TGFBR3: variants seen among roughly 807,000 people sequenced by gnomAD.
TGFBR3 encodes the protein transforming growth factor beta receptor 3, also known as transforming growth factor beta receptor type 3.
In TGFBR3, 46 loss-of-function variants were observed where a neutral mutation model predicts 87.9. That is an observed-to-expected ratio of 0.52 (90% CI 0.41 to 0.67). The LOEUF (loss-of-function observed/expected upper bound fraction) is 0.67, where lower values mean the gene tolerates loss of function less well. Ranked by LOEUF, TGFBR3 falls within the 30% of genes least tolerant of loss-of-function variation. TGFBR3 has a pLI of 0.00. For synonymous variants in TGFBR3, 381 were observed against 391.6 expected, an observed-to-expected ratio of 0.97 and a Z score of 0.32; for missense variants, 866 against 1,041.9, an observed-to-expected ratio of 0.83 and a Z score of 2.32.
At chr1:91,815,505 T>C (rs1169908336) in intron 2 of TGFBR3, among the ~76,000 whole-genome samples, 1 of 152,018 alleles carries the variant, frequency 6.6e-6, no homozygotes, top group Non-Finnish European at 1.5e-5. Context: ...TTCTCCTCAC[T>C]ACCCACTTTA....
chr1:91,827,999 G>A (rs1294519220), intron 2 of TGFBR3, among the ~76,000 whole-genome samples: 1 of 152,218 alleles, frequency 6.6e-6, no homozygotes, highest in Non-Finnish European at 1.5e-5. Context: ...CACCAGTTCA[G>A]TTCAGCTGCA....
At position 91,698,149 on chromosome 1, in the gene TGFBR3, T is replaced by A; in HGVS notation, c.2288-19A>T. 6.2e-7 allele frequency: 1 copy of A among 1,610,952 alleles called. No individual in the cohort carries two copies. The highest frequency in any genetic ancestry group is 8.5e-7 in the Non-Finnish European group (1 of 1,177,206). On this transcript the variant is annotated intron_variant, in intron 14 of 16. Coordinates refer to ENST00000212355, the MANE Select transcript of TGFBR3 (RefSeq NM_003243.5). ...CCTTTTTCTGAAACAAAAACATAAATCACAATGTATTCTATGGAGAACCAA... is the reference window on the plus strand; with the variant it reads ...CCTTTTTCTGAAACAAAAACATAAAACACAATGTATTCTATGGAGAACCAA...
At chr1:91,768,592 T>C (rs1289883286) in intron 3 of TGFBR3, among the ~76,000 whole-genome samples, 1 of 152,164 alleles carries the variant, frequency 6.6e-6, no homozygotes, top group Non-Finnish European at 1.5e-5. Context: ...CCTAGTGCTG[T>C]TCTCATGAGA....
intron 2 of TGFBR3, among the ~76,000 whole-genome samples, chr1:91,809,500 T>C (rs916781899): frequency 5.9e-5 from 9 of 152,118 alleles, no homozygotes; most frequent in Non-Finnish European, 1.2e-4. Flanking sequence ...AGTTGAATCA[T>C]CGCCTATAAC....
At chr1:91,686,332 A>G (rs1251883602) in intron 16 of TGFBR3, among the ~76,000 whole-genome samples, 2 of 152,244 alleles carry the variant, frequency 1.3e-5, no homozygotes, top group Non-Finnish European at 2.9e-5. Context: ...AATGCAAAAC[A>G]CTTCAAAACA....
intron 2 of TGFBR3, among the ~76,000 whole-genome samples, chr1:91,857,646 G>A (rs780301128): frequency 1.2e-4 from 18 of 152,174 alleles, no homozygotes; most frequent in Admixed American, 2.0e-4. Context: ...CTCAAAAGAA[G>A]GGATGAATAT....
intron 2 of TGFBR3, among the ~76,000 whole-genome samples, chr1:91,838,663 G>T (rs1202621094): frequency 6.6e-6 from 1 of 151,088 alleles, no homozygotes; most frequent in African/African-American, 2.4e-5. Flanking sequence ...TAGAGACAGG[G>T]TTTCACCGCG....
intron 4 of TGFBR3, among the ~76,000 whole-genome samples, chr1:91,752,191 T>C (rs949032926): frequency 3.9e-5 from 6 of 152,148 alleles, no homozygotes; most frequent in East Asian, 1.9e-4. Flanking sequence ...CCAGTTAAAG[T>C]TGAATTTCAG....
intron 2 of TGFBR3, among the ~76,000 whole-genome samples, chr1:91,846,640 T>A (rs1677512983): frequency 6.6e-6 from 1 of 152,194 alleles, no homozygotes; most frequent in African/African-American, 2.4e-5. Flanking sequence ...TTGGTATTGC[T>A]TCTAGTCCAC....
rs757764905 is a variant in TGFBR3 at position 91,797,320 on chromosome 1, A to G, written c.213T>C (p.Thr71=). 2 of 1,614,230 alleles carry G rather than the reference A, an allele frequency of 1.2e-6. No individual in the cohort carries two copies. The highest frequency in any genetic ancestry group is 1.7e-6 in the Non-Finnish European group (2 of 1,180,038). ...GTAGCTGGCCAGGCCCCTGGCCTGCAGTGCGGAGATTCAGGACATGCACCT... is the reference window on the plus strand; with the variant it reads ...GTAGCTGGCCAGGCCCCTGGCCTGCGGTGCGGAGATTCAGGACATGCACCT... ...PQEVHVLNLR[T]AGQGPGQLQR... The change falls in exon 3 of 17, where the codon ACT becomes ACC. Residue 71 remains threonine (T), a synonymous_variant. Coordinates refer to ENST00000212355, the MANE Select transcript of TGFBR3 (RefSeq NM_003243.5).
intron 3 of TGFBR3, among the ~76,000 whole-genome samples, chr1:91,793,905 C>T (rs1356909651): frequency 6.6e-6 from 1 of 151,650 alleles, no homozygotes; most frequent in Non-Finnish European, 1.5e-5. Context: ...TTATTTTTAG[C>T]ATAGACCATA....
intron 6 of TGFBR3, 200 bp from the exon 7 acceptor site, chr1:91,728,006 G>A: frequency 1.6e-6 from 1 of 618,932 alleles, no homozygotes; most frequent in Non-Finnish European, 2.8e-6. Flanking sequence ...AGAAACATAT[G>A]CTTGCTGATA....
intron 2 of TGFBR3, among the ~76,000 whole-genome samples, chr1:91,806,480 G>GC (rs1032694853): frequency 9.2e-5 from 14 of 152,036 alleles, no homozygotes; most frequent in African/African-American, 3.4e-4. Context: ...ACTGGCGGGG[G>GC]GGGTAATGTT....
At chr1:91,880,638 T>G (rs1046826023) in intron 1 of TGFBR3, among the ~76,000 whole-genome samples, 1 of 151,798 alleles carries the variant, frequency 6.6e-6, no homozygotes, top group African/African-American at 2.4e-5. Flanking sequence ...AGAAAAATGC[T>G]CCAGTAGACT....
chr1:91,895,641 A>G (rs957313325), intron 2 of TGFBR3, among the ~76,000 whole-genome samples: 2 of 152,314 alleles, frequency 1.3e-5, no homozygotes, highest in African/African-American at 2.4e-5. Context: ...GGACTAATAC[A>G]AGACCCATTT....
chr1:91,815,309 A>ACT (rs1221077806), intron 2 of TGFBR3, among the ~76,000 whole-genome samples: 21 of 149,914 alleles, frequency 1.4e-4, no homozygotes, highest in African/African-American at 3.2e-4. Context: ...CTAAAAATAA[A>ACT]ATAAAATAAA....
intron 1 of TGFBR3, among the ~76,000 whole-genome samples, chr1:91,877,390 T>G (rs1009486512): frequency 1.3e-5 from 2 of 152,128 alleles, no homozygotes; most frequent in African/African-American, 4.8e-5. Context: ...TGCAGTGGTA[T>G]GATCATGACT....
At chr1:91,887,152 G>C (rs1478492244), upstream of TGFBR3, among the ~76,000 whole-genome samples, 1 of 148,962 alleles carries the variant, frequency 6.7e-6, no homozygotes, top group Non-Finnish European at 1.5e-5. Context: ...AATGGCTAAC[G>C]GCTAATACCC....
chr1:91,772,079 G>A (rs930018424), intron 3 of TGFBR3, among the ~76,000 whole-genome samples: 13 of 152,156 alleles, frequency 8.5e-5, no homozygotes, highest in Admixed American at 2.0e-4. Flanking sequence ...GAAGAATGTC[G>A]TTGAAAGGGT....
Sources: allele counts gnomAD v4.1 joint callset (sites outside exome capture counted in the v4.1 genomes callset), GRCh38; gene constraint gnomAD v4.1.1; transcripts MANE v1.5; gene names NCBI Gene and HGNC (gene_info 2026-07-23, HGNC 2026-07-21).